SGMS1: variants seen among roughly 807,000 people sequenced by gnomAD.
SGMS1 encodes phosphatidylcholine:ceramide cholinephosphotransferase 1.
A neutral mutation model predicts 46.2 loss-of-function variants in SGMS1; 13 were observed. The ratio of observed to expected loss-of-function variants is 0.28; its 90% CI spans 0.18 to 0.45. The LOEUF (loss-of-function observed/expected upper bound fraction) is 0.45. SGMS1 is among the 20% of genes least tolerant of loss of function. The probability of loss-of-function intolerance (pLI) is 1.00; values close to 1 mark genes in which losing one functional copy is unlikely to be tolerated. For synonymous variants in SGMS1, 203 were observed against 187.8 expected, an observed-to-expected ratio of 1.08 and a Z score of -0.66; for missense variants, 324 against 519.9, an observed-to-expected ratio of 0.62 and a Z score of 3.66.
At chr10:50,435,626 T>G (rs1340030906) in intron 5 of SGMS1, among the ~76,000 whole-genome samples, 1 of 152,174 alleles carries the variant, frequency 6.6e-6, no homozygotes, top group Admixed American at 6.5e-5. Flanking sequence ...CTTTTTTTGA[T>G]GATGAATTCC....
intron 5 of SGMS1, among the ~76,000 whole-genome samples, chr10:50,447,420 G>A (rs903182050): frequency 6.6e-6 from 1 of 151,832 alleles, no homozygotes; most frequent in South Asian, 2.1e-4. Flanking sequence ...CCTTACTTGG[G>A]GAAAATGTAT....
chr10:50,418,793 C>T (rs1420919941), intron 6 of SGMS1, among the ~76,000 whole-genome samples: 1 of 152,206 alleles, frequency 6.6e-6, no homozygotes, highest in African/African-American at 2.4e-5. Flanking sequence ...ACCTCTGACA[C>T]TGTGTGGCCT....
intron 3 of SGMS1, among the ~76,000 whole-genome samples, chr10:50,482,833 A>AGCCT (rs1369688107): frequency 6.6e-6 from 1 of 152,198 alleles, no homozygotes; most frequent in East Asian, 1.9e-4. Context: ...GCAAAGATAC[A>AGCCT]CATAGGCTCA....
chr10:50,546,209 A>G (rs979875181), intron 2 of SGMS1, among the ~76,000 whole-genome samples: 3 of 152,102 alleles, frequency 2.0e-5, no homozygotes, highest in Non-Finnish European at 2.9e-5. Flanking sequence ...TCTGCTTTAG[A>G]AAGTTTTCCT....
chr10:50,502,955 G>A (rs1292364884), intron 3 of SGMS1, among the ~76,000 whole-genome samples: 1 of 152,202 alleles, frequency 6.6e-6, no homozygotes. Context: ...CCAAAATGTA[G>A]TGAAATAAAA....
chr10:50,608,771 T>C (rs542020133), intron 1 of SGMS1, among the ~76,000 whole-genome samples: 4 of 152,250 alleles, frequency 2.6e-5, no homozygotes, highest in Middle Eastern at 3.4e-3. Flanking sequence ...GTAGACTTCC[T>C]ATGAATACAA....
intron 2 of SGMS1, among the ~76,000 whole-genome samples, chr10:50,561,932 A>G (rs1274249593): frequency 6.6e-6 from 1 of 152,132 alleles, no homozygotes; most frequent in Non-Finnish European, 1.5e-5. Context: ...GGAAGGAAGG[A>G]GGGGTTGCAA....
intron 3 of SGMS1, among the ~76,000 whole-genome samples, chr10:50,518,110 T>C (rs1198712630): frequency 6.6e-6 from 1 of 152,176 alleles, no homozygotes; most frequent in African/African-American, 2.4e-5. Context: ...ATTGACTAAT[T>C]TGTATGGTGA....
At chr10:50,336,841 A>G (rs1192250080) in intron 7 of SGMS1, among the ~76,000 whole-genome samples, 1 of 152,234 alleles carries the variant, frequency 6.6e-6, no homozygotes, top group African/African-American at 2.4e-5. Flanking sequence ...TTAAGGGTTG[A>G]TTGTATCAAA....
intron 2 of SGMS1, among the ~76,000 whole-genome samples, chr10:50,526,862 C>T (rs537543398): frequency 1.3e-5 from 2 of 151,806 alleles, no homozygotes; most frequent in Non-Finnish European, 2.9e-5. Context: ...GTCAAGAGAT[C>T]GAGACCATCC....
At chr10:50,352,805 A>G (rs1331081267) in intron 6 of SGMS1, among the ~76,000 whole-genome samples, 1 of 152,250 alleles carries the variant, frequency 6.6e-6, no homozygotes, top group African/African-American at 2.4e-5. Flanking sequence ...GAATACTATA[A>G]ACACCTCTAT....
intron 6 of SGMS1, among the ~76,000 whole-genome samples, chr10:50,344,946 A>C (rs1299066221): frequency 1.3e-5 from 2 of 152,198 alleles, no homozygotes; most frequent in East Asian, 1.9e-4. Context: ...GACACTTTTC[A>C]ACCTGGTCAA....
At chr10:50,358,198 A>T (rs1848186860) in intron 6 of SGMS1, among the ~76,000 whole-genome samples, 1 of 148,082 alleles carries the variant, frequency 6.8e-6, no homozygotes, top group Non-Finnish European at 1.5e-5. Flanking sequence ...ACATGACTTT[A>T]CTCTGAAAGC....
At chr10:50,568,753 T>A (rs1372818032) in intron 2 of SGMS1, among the ~76,000 whole-genome samples, 1 of 152,164 alleles carries the variant, frequency 6.6e-6, no homozygotes, top group Non-Finnish European at 1.5e-5. Flanking sequence ...TTCCCCTATA[T>A]TAATGAAGGT....
chr10:50,502,824 C>T (rs982851602), intron 3 of SGMS1, among the ~76,000 whole-genome samples: 7 of 152,016 alleles, frequency 4.6e-5, no homozygotes, highest in African/African-American at 1.7e-4. Flanking sequence ...AAAAATAGTC[C>T]CCAAAAGTGG....
Position 50,365,255 on chromosome 10 carries a change from CAAA to C in SGMS1, c.-231-20913_-231-20911del, listed in dbSNP as rs67951872. On this transcript the variant is annotated intron_variant, in intron 6 of 10. Transcript: ENST00000361781. Reference sequence around the variant, plus strand: ...GCGACGGAGTGAGACTCCATCTCACCAAAAAAAAAAAAAAAAAAAAAAAGCAAC... The same window carrying C: ...GCGACGGAGTGAGACTCCATCTCACCAAAAAAAAAAAAAAAAAAAAGCAAC... Among the ~76,000 whole-genome samples, 30 of 45,032 alleles carry C rather than the reference CAAA, an allele frequency of 6.7e-4. 1 individual carries two copies. The South Asian group carries it at 0.014, about 20-fold the overall frequency. 29.5% of individuals were successfully genotyped at this position (45,032 alleles called of 152,430 possible). A position where few individuals can be genotyped will look rare whatever the true frequency, so the allele number is the denominator to read the frequency against.
chr10:50,504,639 C>T (rs1234594108), intron 3 of SGMS1, among the ~76,000 whole-genome samples: 1 of 152,038 alleles, frequency 6.6e-6, no homozygotes, highest in Non-Finnish European at 1.5e-5. Flanking sequence ...AGATCTAACT[C>T]TAACAGCTAT....
intron 8 of SGMS1, among the ~76,000 whole-genome samples, chr10:50,312,534 A>G (rs1484664501): frequency 6.6e-6 from 1 of 152,186 alleles, no homozygotes; most frequent in Non-Finnish European, 1.5e-5. Flanking sequence ...AACAAGCTTT[A>G]CATGAAGGAT....
chr10:50,318,472 A>G (rs1172770418), intron 8 of SGMS1, among the ~76,000 whole-genome samples: 1 of 152,200 alleles, frequency 6.6e-6, no homozygotes, highest in Non-Finnish European at 1.5e-5. Context: ...TTACTTAACA[A>G]TCCAAGTTAG....
Sources: allele counts gnomAD v4.1 joint callset (sites outside exome capture counted in the v4.1 genomes callset), GRCh38; gene constraint gnomAD v4.1.1; transcripts MANE v1.5; gene names NCBI Gene and HGNC (gene_info 2026-07-23, HGNC 2026-07-21).